The following SOX5 variants were observed in gnomAD, a reference collection of about 807,000 sequenced individuals.
SOX5 encodes SRY-box transcription factor 5.
In SOX5, 9 loss-of-function variants were observed where a neutral mutation model predicts 92.0. The observed-to-expected ratio is 0.10, with a 90% CI of 0.06 to 0.17. SOX5 has a LOEUF of 0.17. Ranked by LOEUF, SOX5 falls within the 10% of genes least tolerant of loss-of-function variation. The pLI is 1.00. For synonymous variants in SOX5, 344 were observed against 336.3 expected (o/e 1.02, Z -0.25); for missense variants, 642 against 944.5 (o/e 0.68, Z 4.20).
In SOX5 at chr12:24,023,877, C is replaced by T. The variant is rs529307122; in HGVS notation, c.-1-127853G>A. On this transcript the variant is annotated intron_variant, in intron 4 of 4. Transcript: ENST00000446891. ...CAGTGAGTAAAATAAACATAATCCC[C>T]ACCCTCAGGATGCTTTCATTATCTC... 8.5e-5 allele frequency among the ~76,000 whole-genome samples: 13 copies of T among 152,090 alleles called. No homozygotes were observed. In the East Asian group the frequency reaches 1.5e-3, roughly 18 times the overall value.
intron 3 of SOX5, among the ~76,000 whole-genome samples, chr12:24,241,380 T>C (rs746003712): frequency 3.3e-5 from 5 of 152,294 alleles, no homozygotes; most frequent in Non-Finnish European, 7.4e-5. Flanking sequence ...CAGTGAGAAT[T>C]TAGAACAGAA....
intron 2 of SOX5, among the ~76,000 whole-genome samples, chr12:23,876,705 T>G (rs538347341): frequency 2.8e-4 from 43 of 152,324 alleles, no homozygotes; most frequent in Non-Finnish European, 6.0e-4. Flanking sequence ...TTATGTTTAT[T>G]GCAGCACTAT....
At chr12:24,076,794 G>T (rs1360390430) in intron 4 of SOX5, among the ~76,000 whole-genome samples, 1 of 134,916 alleles carries the variant, frequency 7.4e-6, no homozygotes, top group Non-Finnish European at 1.5e-5. Flanking sequence ...CTTTCCTAAA[G>T]TCTAGATGGC....
chr12:23,881,463 C>G (rs1207966085), intron 2 of SOX5, among the ~76,000 whole-genome samples: 2 of 152,272 alleles, frequency 1.3e-5, no homozygotes, highest in South Asian at 2.1e-4. Context: ...ACAATACACA[C>G]CCTCTCACAA....
intron 2 of SOX5, among the ~76,000 whole-genome samples, chr12:24,282,860 G>T (rs1467927165): frequency 6.6e-6 from 1 of 152,142 alleles, no homozygotes; most frequent in African/African-American, 2.4e-5. Flanking sequence ...TTCTTTAAAA[G>T]CCATCCATGT....
intron 4 of SOX5, among the ~76,000 whole-genome samples, chr12:23,749,882 C>T (rs2094129597): frequency 6.6e-6 from 1 of 151,870 alleles, no homozygotes; most frequent in Non-Finnish European, 1.5e-5. Flanking sequence ...ATATGCACTA[C>T]ATTCCAAACT....
chr12:24,380,008 T>G (rs1043782857), intron 1 of SOX5, among the ~76,000 whole-genome samples: 3 of 151,944 alleles, frequency 2.0e-5, no homozygotes, highest in African/African-American at 7.3e-5. Flanking sequence ...GACACATGCA[T>G]CCAAGTGAAA....
At chr12:24,006,134 T>G (rs991030960) in intron 4 of SOX5, among the ~76,000 whole-genome samples, 1 of 152,144 alleles carries the variant, frequency 6.6e-6, no homozygotes, top group Admixed American at 6.6e-5. Context: ...TCAGTAAATA[T>G]GAAAGTTTTT....
chr12:23,855,769 A>G (rs2096680696), intron 2 of SOX5, among the ~76,000 whole-genome samples: 1 of 152,134 alleles, frequency 6.6e-6, no homozygotes, highest in Admixed American at 6.6e-5. Flanking sequence ...CACATTCTTC[A>G]GGGAATTTCT....
At chr12:24,346,233 A>C (rs1165642868) in intron 2 of SOX5, among the ~76,000 whole-genome samples, 1 of 152,224 alleles carries the variant, frequency 6.6e-6, no homozygotes, top group Non-Finnish European at 1.5e-5. Flanking sequence ...GACAAATGTC[A>C]TGTGAGATGT....
intron 6 of SOX5, among the ~76,000 whole-genome samples, chr12:23,670,495 AAG>A (rs890017717): frequency 4.6e-5 from 7 of 152,262 alleles, no homozygotes; most frequent in African/African-American, 1.7e-4. Flanking sequence ...AAATGTAGGA[AAG>A]AGAGAAACTA....
chr12:23,579,540 C>T (rs146494808), intron 9 of SOX5, among the ~76,000 whole-genome samples: 102 of 152,146 alleles, frequency 6.7e-4, no homozygotes, highest in African/African-American at 2.4e-3. Flanking sequence ...ACACTAGTTT[C>T]CCATTTTCTA....
At chr12:24,284,087 G>T (rs775770991) in intron 2 of SOX5, among the ~76,000 whole-genome samples, 5 of 152,288 alleles carry the variant, frequency 3.3e-5, no homozygotes, top group South Asian at 2.1e-4. Context: ...TCAGATAGTC[G>T]CATTGTCTGT....
At chr12:23,818,522 G>A (rs2096044254) in intron 3 of SOX5, among the ~76,000 whole-genome samples, 1 of 152,060 alleles carries the variant, frequency 6.6e-6, no homozygotes, top group Non-Finnish European at 1.5e-5. Context: ...GAAGGGCTAG[G>A]ACAGGACTGT....
At chr12:23,665,990 T>C (rs1388630632) in intron 6 of SOX5, among the ~76,000 whole-genome samples, 3 of 152,238 alleles carry the variant, frequency 2.0e-5, no homozygotes, top group African/African-American at 7.2e-5. Context: ...TATCATTTTA[T>C]ATGTAAATAG....
At chr12:23,747,089 A>T (rs751182312) in intron 4 of SOX5, among the ~76,000 whole-genome samples, 46 of 152,078 alleles carry the variant, frequency 3.0e-4, no homozygotes, top group Non-Finnish European at 5.9e-4. Context: ...TGTCTTTATC[A>T]GCAGCGTGAA....
intron 4 of SOX5, among the ~76,000 whole-genome samples, chr12:24,174,036 C>T (rs571550125): frequency 1.3e-5 from 2 of 151,556 alleles, no homozygotes; most frequent in South Asian, 4.2e-4. Flanking sequence ...CTCACTGTGT[C>T]ACCCAGTCTG....
chr12:24,452,979 T>C lies in SOX5; in HGVS notation c.-250-84340A>G, dbSNP rs143252371. Among the ~76,000 whole-genome samples, 574 of 152,318 alleles carry C rather than the reference T, an allele frequency of 3.8e-3. 4 individuals carry two copies. Among genetic ancestry groups the C allele is most frequent in the South Asian group, 9.1e-3 (44 of 4,826 alleles). ...GAAAGTCTTAAAAACTTAAAATCCT[T>C]ACTAGACTTGTTTCAGAAGAATGTT... On this transcript the variant is annotated intron_variant, in intron 1 of 4. Transcript: ENST00000446891.
intron 1 of SOX5, among the ~76,000 whole-genome samples, chr12:24,548,195 T>C (rs1361198827): frequency 2.0e-5 from 3 of 152,220 alleles, no homozygotes; most frequent in East Asian, 3.8e-4. Context: ...AGTGTTAATA[T>C]TGAGCTACAG....
Sources: allele counts gnomAD v4.1 joint callset (sites outside exome capture counted in the v4.1 genomes callset), GRCh38; gene constraint gnomAD v4.1.1; transcripts MANE v1.5; gene names NCBI Gene and HGNC (gene_info 2026-07-23, HGNC 2026-07-21).